The following AFMID variants were observed in gnomAD, a reference collection of about 807,000 sequenced individuals.
AFMID encodes arylformamidase.
AFMID carries 39 observed loss-of-function variants against 47.5 expected under a neutral mutation model. That is an observed-to-expected ratio of 0.82 (90% CI 0.64 to 1.07). AFMID has a LOEUF of 1.07. Among genes scored for constraint, AFMID ranks in the 50% least tolerant of loss-of-function variants. AFMID has a pLI of 0.00. For missense variants in AFMID, 375 were observed against 387.5 expected, an observed-to-expected ratio of 0.97 and a Z score of 0.27; for synonymous variants, 130 against 153.2, an observed-to-expected ratio of 0.85 and a Z score of 1.12.
chr17:78,206,338 CAAAAAAAAAA>C (rs60780262), intron 10 of AFMID, among the ~76,000 whole-genome samples: 86 of 104,048 alleles, frequency 8.3e-4, no homozygotes, highest in East Asian at 1.1e-3. Flanking sequence ...GACTCTGTCT[CAAAAAAAAAA>C]AAAAAAAAAA....
chr17:78,206,027 C>CAGA lies in AFMID; in HGVS notation c.865_867dup (p.Lys289dup). 6 of 1,614,124 alleles carry CAGA rather than the reference C, an allele frequency of 3.7e-6. No individual in the cohort carries two copies. The South Asian group carries it at 5.5e-5, about 15-fold the overall frequency. ...CTTTGAAATTGTTGAGAATCTGACC[C>CAGA]AGAAGGACAACGTGCTCACCCAGGT... On this transcript the variant is annotated inframe_insertion, in exon 10 of 11. Coordinates refer to ENST00000409257, the MANE Select transcript of AFMID (RefSeq NM_001010982.5).
chr17:78,203,062 T>G lies in AFMID; in HGVS notation c.308+311T>G, dbSNP rs562823540. ...TCTCAAATCTTCCTCTCTCTTTTTT[T>G]TTTTTTTTTTTTTTTTTTGAGACAG... On this transcript the variant is annotated intron_variant, in intron 4 of 10. Transcript: ENST00000409257. 9 of 287,126 alleles carry G rather than the reference T, an allele frequency of 3.1e-5. No individual in the cohort carries two copies. The Admixed American group carries it at 4.7e-4, about 15-fold the overall frequency. 17.8% of individuals were successfully genotyped at this position (287,126 alleles called of 1,614,324 possible). A position where few individuals can be genotyped will look rare whatever the true frequency, so the allele number is the denominator to read the frequency against.
intron 1 of AFMID, 41 bp downstream of exon 1, chr17:78,187,474 G>A (rs2075825485): frequency 1.2e-6 from 2 of 1,609,092 alleles, no homozygotes; most frequent in South Asian, 1.1e-5. Flanking sequence ...CTGGGGCGGA[G>A]TTAGCTCATT....
chr17:78,192,565 C>T (rs971306227), intron 2 of AFMID: 28 of 464,290 alleles, frequency 6.0e-5, no homozygotes, highest in South Asian at 2.0e-4. Flanking sequence ...CCACCTGCCT[C>T]GGCCTCCCAA....
At chr17:78,189,580 G>A (rs960440108) in intron 1 of AFMID, among the ~76,000 whole-genome samples, 8 of 147,744 alleles carry the variant, frequency 5.4e-5, no homozygotes, top group African/African-American at 7.5e-5. Flanking sequence ...GTGCAATGGC[G>A]CAATCTTGGC....
At chr17:78,206,780 C>T in intron 10 of AFMID, 131 bp from the exon 11 acceptor site, 8 of 885,736 alleles carry the variant, frequency 9.0e-6, no homozygotes, top group Non-Finnish European at 1.4e-5. Context: ...GATCTTCCCA[C>T]CTCAGCCTCC....
Position 78,191,565 on chromosome 17 carries a change from C to T in AFMID, c.154+505C>T, listed in dbSNP as rs189638775. ...CTGGACACCTGTAATTCCAGCTACT[C>T]GGGAACCTGAGGCATGAGAATTGCT... On this transcript the variant is annotated intron_variant, in intron 2 of 10. Transcript: ENST00000409257. Among the ~76,000 whole-genome samples, 176 of 151,970 alleles carry T rather than the reference C, an allele frequency of 1.2e-3. 1 individual carries two copies. The highest frequency in any genetic ancestry group is 0.01 in the Middle Eastern group (3 of 294).
chr17:78,195,579 C>T (rs1243353758), intron 2 of AFMID, among the ~76,000 whole-genome samples: 10 of 148,334 alleles, frequency 6.7e-5, no homozygotes, highest in Middle Eastern at 3.7e-3. Flanking sequence ...CTCAGCTCAC[C>T]GCAACCTCTG....
At chr17:78,202,344 G>A (rs1039791560) in intron 2 of AFMID, among the ~76,000 whole-genome samples, 155 bp from the exon 3 acceptor site, 4 of 151,964 alleles carry the variant, frequency 2.6e-5, no homozygotes, top group Non-Finnish European at 4.4e-5. Context: ...CAGGAGAATC[G>A]CTTGAACCGG....
rs34018698 is a variant in AFMID, at chr17:78,187,960, C to CAAAAAAAAAAAAAAAA, written c.63+541_63+556dup. Reference sequence around the variant, plus strand: ...TGGGCGATAGACCAAGACTTAGTCTCAAAAAAAAAAAAAAAAAAAAAAAAA... The same window carrying CAAAAAAAAAAAAAAAA: ...TGGGCGATAGACCAAGACTTAGTCTCAAAAAAAAAAAAAAAAAAAAAAAAAAAAAAAAAAAAAAAAA... On this transcript the variant is annotated intron_variant, in intron 1 of 10. Transcript: ENST00000409257. 4.6e-4 allele frequency among the ~76,000 whole-genome samples: 26 copies of CAAAAAAAAAAAAAAAA among 56,674 alleles called. 1 individual carries two copies. The highest frequency in any genetic ancestry group is 1.3e-3 in the South Asian group (2 of 1,490). 37.2% of individuals were successfully genotyped at this position (56,674 alleles called of 152,430 possible). A position where few individuals can be genotyped will look rare whatever the true frequency, so the allele number is the denominator to read the frequency against.
intron 4 of AFMID, chr17:78,203,548 G>C (rs565681933): frequency 1.2e-4 from 19 of 152,064 alleles, no homozygotes; most frequent in African/African-American, 3.4e-4. Context: ...ACTGAGGAGG[G>C]GTTTCCCAGG....
At chr17:78,191,141 G>C (rs925287207) in intron 2 of AFMID, 81 bp downstream of exon 2, 15 of 1,276,682 alleles carry the variant, frequency 1.2e-5, no homozygotes, top group Middle Eastern at 4.1e-4. Flanking sequence ...GGTTGGGGGG[G>C]CTGTGCTGCA....
At chr17:78,188,074 G>A (rs2145837530) in intron 1 of AFMID, among the ~76,000 whole-genome samples, 1 of 151,704 alleles carries the variant, frequency 6.6e-6, no homozygotes, top group Middle Eastern at 3.4e-3. Flanking sequence ...TGCTTATGTG[G>A]CACAGGCTGA....
At chr17:78,197,195 T>C (rs1217392722) in intron 2 of AFMID, 1 of 1,550,608 alleles carries the variant, frequency 6.4e-7, no homozygotes, top group African/African-American at 1.4e-5. Context: ...ATGAAGCCAC[T>C]CCGATGAGCC....
intron 2 of AFMID, among the ~76,000 whole-genome samples, chr17:78,192,280 G>A (rs1425618142): frequency 1.4e-5 from 2 of 147,890 alleles, no homozygotes; most frequent in Non-Finnish European, 3.0e-5. Context: ...CAAAGTGCTA[G>A]GATTACAGGT....
chr17:78,205,908 A>G lies in AFMID; in HGVS notation c.781-38A>G, dbSNP rs1398868683. 9 of 1,603,392 alleles carry G rather than the reference A, an allele frequency of 5.6e-6. No individual in the cohort carries two copies. The Admixed American group carries it at 1.5e-4, about 27-fold the overall frequency. On this transcript the variant is annotated intron_variant, in intron 9 of 10. Transcript: ENST00000409257. ...CATGTCCTGCCCCACCTCCCCTCCC[A>G]CTGCTCAGGCCCCTCTTCCCATGTC...
intron 2 of AFMID, among the ~76,000 whole-genome samples, chr17:78,193,741 G>A (rs2076036968): frequency 6.6e-6 from 1 of 151,986 alleles, no homozygotes; most frequent in South Asian, 2.1e-4. Flanking sequence ...ACTTTGCGGG[G>A]CTGAGGTGGG....
intron 1 of AFMID, 40 bp from the exon 2 acceptor site, chr17:78,190,930 G>C: frequency 6.3e-7 from 1 of 1,590,444 alleles, no homozygotes; most frequent in Non-Finnish European, 8.6e-7. Context: ...ACTCTGTTGA[G>C]AAGGAAAGTC....
In AFMID at chr17:78,205,373, G is replaced by A. The variant is rs191121657; in HGVS notation, c.566-67G>A. ...CCCCTGGTCCTGCCCCTCTGGCGGT[G>A]GGGGTGGGCTGGCCCTGCCTTGCTC... On this transcript the variant is annotated intron_variant, in intron 7 of 10. Transcript: ENST00000409257. 55 of 1,566,502 alleles carry A rather than the reference G, an allele frequency of 3.5e-5. No individual in the cohort carries two copies. The East Asian group carries it at 9.0e-4, about 26-fold the overall frequency.
Sources: allele counts gnomAD v4.1 joint callset (sites outside exome capture counted in the v4.1 genomes callset), GRCh38; gene constraint gnomAD v4.1.1; transcripts MANE v1.5; gene names NCBI Gene and HGNC (gene_info 2026-07-23, HGNC 2026-07-21).